Variants in PPP4R3A observed in about 807,000 individuals in gnomAD.
PPP4R3A encodes the protein serine/threonine-protein phosphatase 4 regulatory subunit 3A.
In PPP4R3A, 15 loss-of-function variants were observed where a neutral mutation model predicts 91.7. The observed-to-expected ratio is 0.16, with a 90% CI of 0.11 to 0.25. The LOEUF (loss-of-function observed/expected upper bound fraction) is 0.25, where lower values mean the gene tolerates loss of function less well. Among genes scored for constraint, PPP4R3A ranks in the 10% least tolerant of loss-of-function variants. The pLI, the probability that PPP4R3A is intolerant of heterozygous loss-of-function variation, is 1.00. For synonymous variants in PPP4R3A, 377 were observed against 348.7 expected (o/e 1.08, Z -0.91); for missense variants, 623 against 998.4 (o/e 0.62, Z 5.07).
In PPP4R3A at chr14:91,477,840, G is replaced by A. The variant is rs1176230675; in HGVS notation, c.916-854C>T. Among the ~76,000 whole-genome samples, 3 of 152,158 alleles carry A rather than the reference G, an allele frequency of 2.0e-5. No homozygotes were observed. In the East Asian group the frequency reaches 5.8e-4, roughly 29 times the overall value. ...ATTTTTGTACTTGTAGCAGAGATGG[G>A]GTTTTGTCATGTTGGCCAGTCTGGT... On this transcript the variant is annotated intron_variant, in intron 4 of 14. Coordinates refer to ENST00000554943, the MANE Select transcript of PPP4R3A (RefSeq NM_001366432.2).
intron 14 of PPP4R3A, among the ~76,000 whole-genome samples, chr14:91,460,051 G>A (rs1033834496): frequency 3.3e-5 from 5 of 151,666 alleles, no homozygotes; most frequent in East Asian, 2.0e-4. Flanking sequence ...TCACTCTGTC[G>A]CCCAGGCTGG....
intron 1 of PPP4R3A, among the ~76,000 whole-genome samples, chr14:91,508,410 AGTTTGCAATAAT>A: frequency 6.6e-6 from 1 of 152,330 alleles, no homozygotes; most frequent in East Asian, 1.9e-4. Context: ...CCTTGAAATT[AGTTTGCAATAAT>A]TCAGATACAG....
At chr14:91,507,659 A>T (rs1056853270) in intron 1 of PPP4R3A, among the ~76,000 whole-genome samples, 7 of 40,866 alleles carry the variant, frequency 1.7e-4, no homozygotes, top group African/African-American at 7.1e-4. Context: ...ACGGAAAAAA[A>T]TTGCTTATAT....
chr14:91,462,317 T>C, intron 12 of PPP4R3A, 78 bp from the exon 13 acceptor site: 1 of 1,318,050 alleles, frequency 7.6e-7, no homozygotes, highest in Non-Finnish European at 9.9e-7. Flanking sequence ...ATTAAACTTG[T>C]TAACATAGGG....
intron 4 of PPP4R3A, among the ~76,000 whole-genome samples, chr14:91,479,574 A>C (rs1318835850): frequency 6.6e-6 from 1 of 150,868 alleles, no homozygotes; most frequent in Non-Finnish European, 1.5e-5. Flanking sequence ...ACAGAATTTC[A>C]CTCCTGTTGC....
intron 4 of PPP4R3A, among the ~76,000 whole-genome samples, chr14:91,478,271 T>C (rs536185644): frequency 6.6e-6 from 1 of 152,218 alleles, no homozygotes; most frequent in Non-Finnish European, 1.5e-5. Flanking sequence ...GGGTATCAAA[T>C]GGTTAAAAAA....
In PPP4R3A at chr14:91,465,419, C is replaced by T; in HGVS notation, c.1661G>A (p.Cys554Tyr). 6.3e-7 allele frequency: 1 copy of T among 1,584,438 alleles called. No homozygotes were observed. Reference sequence around the variant, plus strand: ...AATCTTTCTTTTAAAACGAAGGGCACCTGAAACACAGAGGCATGGTTGTTT... The same window carrying T: ...AATCTTTCTTTTAAAACGAAGGGCATCTGAAACACAGAGGCATGGTTGTTT... ...MASKHAFLAL[C>Y]ALRFKRKIIG... Residue 554 changes from cysteine to tyrosine, a missense_variant and splice_region_variant, in exon 11 of 15, where the codon TGT becomes TAT. Cys to Tyr is a radical substitution (Grantham distance 194). Around this residue, in one of 5 missense-constraint regions of PPP4R3A, gnomAD observed 87 missense variants for 233.9 expected, o/e 0.37. Coordinates refer to ENST00000554943, the MANE Select transcript of PPP4R3A (RefSeq NM_001366432.2).
At chr14:91,462,645 T>C (rs1226143349) in intron 12 of PPP4R3A, 90 bp downstream of exon 12, 4 of 1,454,850 alleles carry the variant, frequency 2.7e-6, no homozygotes, top group Non-Finnish European at 3.8e-6. Context: ...TCCCTGTTCC[T>C]TGTCAAGCCA....
At chr14:91,510,481 A>G (rs1267355569), upstream of PPP4R3A, 1 of 152,242 alleles carries the variant, frequency 6.6e-6, no homozygotes, top group African/African-American at 2.4e-5. Context: ...CGGGACGCAG[A>G]TTGCGCCGGT....
chr14:91,474,086 T>C (rs570121456), intron 7 of PPP4R3A, among the ~76,000 whole-genome samples: 2 of 152,348 alleles, frequency 1.3e-5, no homozygotes, highest in South Asian at 2.1e-4. Flanking sequence ...TTTATTATTA[T>C]AGAGTCCTTC....
chr14:91,469,397 T>C (rs933155505), intron 10 of PPP4R3A, among the ~76,000 whole-genome samples: 1 of 152,190 alleles, frequency 6.6e-6, no homozygotes, highest in Non-Finnish European at 1.5e-5. Context: ...AAAACTCTAT[T>C]GTCAACATAA....
At chr14:91,497,345 CACACACACA>C (rs1890639676) in intron 1 of PPP4R3A, among the ~76,000 whole-genome samples, 2 of 10,908 alleles carry the variant, frequency 1.8e-4, no homozygotes, top group Non-Finnish European at 6.7e-4. Context: ...TTTATTTACA[CACACACACA>C]CACACACACA....
chr14:91,504,785 T>C (rs1891183481), intron 1 of PPP4R3A, among the ~76,000 whole-genome samples: 1 of 152,130 alleles, frequency 6.6e-6, no homozygotes, highest in African/African-American at 2.4e-5. Context: ...AGGGAAGGCA[T>C]ACAGTACTTA....
intron 1 of PPP4R3A, among the ~76,000 whole-genome samples, chr14:91,505,926 T>C (rs1226485883): frequency 6.6e-6 from 1 of 151,710 alleles, no homozygotes; most frequent in East Asian, 1.9e-4. Flanking sequence ...CATGTAAAGC[T>C]TGTAGATAAA....
intron 3 of PPP4R3A, among the ~76,000 whole-genome samples, chr14:91,482,482 C>G (rs1161743775): frequency 1.3e-5 from 2 of 152,036 alleles, no homozygotes; most frequent in Admixed American, 6.6e-5. Flanking sequence ...TACGAAACAG[C>G]CCTCTGCAGA....
chr14:91,460,532 ATATAT>A (rs957780348), intron 14 of PPP4R3A, among the ~76,000 whole-genome samples: 1 of 151,774 alleles, frequency 6.6e-6, no homozygotes, highest in African/African-American at 2.4e-5. Context: ...CCAATAATCA[ATATAT>A]TATGTCTCAA....
At chr14:91,508,975 G>C (rs1287844020) in intron 1 of PPP4R3A, among the ~76,000 whole-genome samples, 1 of 152,198 alleles carries the variant, frequency 6.6e-6, no homozygotes, top group East Asian at 1.9e-4. Flanking sequence ...AGAGTTGCCA[G>C]ATACAGTGTT....
intron 14 of PPP4R3A, 145 bp downstream of exon 14, chr14:91,461,236 C>T (rs557723932): frequency 1.4e-6 from 1 of 701,590 alleles, no homozygotes; most frequent in Non-Finnish European, 2.4e-6. Flanking sequence ...TATATAAGTT[C>T]AAGCGGTGGG....
Position 91,458,433 on chromosome 14 carries a change from A to AT in PPP4R3A, c.*325dup, listed in dbSNP as rs1312358582. ...ACATGGTCCAAGAAAGCATATTCTG[A>AT]TTGTAGCAACTGACCAGTCAATCCA... On this transcript the variant is annotated 3_prime_UTR_variant, in exon 15 of 15. Transcript: ENST00000554943. 5 of 376,746 alleles carry AT rather than the reference A, an allele frequency of 1.3e-5. No individual in the cohort carries two copies. The highest frequency in any genetic ancestry group is 2.5e-5 in the Non-Finnish European group (5 of 198,900). 23.3% of individuals were successfully genotyped at this position (376,746 alleles called of 1,614,324 possible).
Sources: allele counts gnomAD v4.1 joint callset (sites outside exome capture counted in the v4.1 genomes callset), GRCh38; gene constraint gnomAD v4.1.1; regional missense constraint gnomAD v4.1.1; transcripts MANE v1.5; gene names NCBI Gene and HGNC (gene_info 2026-07-23, HGNC 2026-07-21).